TEDC1: variants seen among roughly 807,000 people sequenced by gnomAD.
TEDC1 encodes the protein tubulin epsilon and delta complex 1, also known as tubulin epsilon and delta complex protein 1.
A neutral mutation model predicts 59.9 loss-of-function variants in TEDC1; 54 were observed. The observed-to-expected ratio is 0.90, with a 90% CI of 0.72 to 1.13. The LOEUF is 1.13. Among genes scored for constraint, TEDC1 ranks in the 50% most tolerant of loss-of-function variants. The pLI is 0.00. For missense variants in TEDC1, 734 were observed against 683.4 expected (o/e 1.07, Z -0.83); for synonymous variants, 353 against 298.1 (o/e 1.18, Z -1.90).
chr14:105,492,389 C>A, intron 3 of TEDC1, 80 bp downstream of exon 3: 1 of 1,561,970 alleles, frequency 6.4e-7, no homozygotes, highest in Non-Finnish European at 8.7e-7. Flanking sequence ...TGGGTCAGCC[C>A]CCTCTGTCTG....
In TEDC1 at chr14:105,498,632, CG is replaced by C; in HGVS notation, c.1179del (p.Pro394GlnfsTer41). ...TCCCACGCAGGCTGGAGGCTGTGGA[CG>C]GGGGCCAGAGTGGAGTGCCGCGCGG... ...AWEAKAGGCG[R>X]GPEWSAARRA... is the part of the protein sequence containing the mutation. On this transcript the variant is annotated frameshift_variant, in exon 9 of 9. Coordinates refer to ENST00000392523, the MANE Select transcript of TEDC1 (RefSeq NM_001367178.1). LOFTEE classifies it high-confidence loss of function. The C allele has an allele frequency of 1.3e-6, 2 of 1,547,282 alleles. No individual in the cohort carries two copies. Among genetic ancestry groups the C allele is most frequent in the East Asian group, 2.4e-5 (1 of 41,210 alleles).
In TEDC1 at chr14:105,497,441, A is replaced by C; in HGVS notation, c.976A>C (p.Met326Leu). ...CTCTGAGCTGGTCTTCTGGCGGTGG[A>C]TGGTGAGGAAGCCCGCGCATCCCTC... is the stretch of plus-strand genomic sequence containing the variant. ...RRSELVFWRW[M>L]DTVLGTCAPE... The change falls in exon 7 of 9, where the codon ATG (methionine) becomes CTG (leucine). Residue 326 changes from methionine (M) to leucine (L), a missense_variant and splice_region_variant. Transcript: ENST00000392523. 1 of 1,546,596 alleles carries C rather than the reference A, an allele frequency of 6.5e-7. No homozygotes were observed. The highest frequency in any genetic ancestry group is 8.7e-7 in the Non-Finnish European group (1 of 1,147,816).
chr14:105,492,555 G>A, intron 3 of TEDC1, 24 bp from the exon 4 acceptor site: 1 of 1,534,796 alleles, frequency 6.5e-7, no homozygotes, highest in Non-Finnish European at 8.7e-7. Context: ...GTGGGAGCAG[G>A]GCCTGACCCT....
In TEDC1 at chr14:105,498,931, G is replaced by A. The variant is rs782772661; in HGVS notation, c.1473G>A (p.Pro491=). ...VGARPGLIWI[P]PPGR is the part of the protein sequence containing the mutation. ...CCCGCCCTGGTCTCATCTGGATCCC[G>A]CCACCTGGACGCTGAGGGCCTGTCG... Residue 491 remains proline, a synonymous_variant, in exon 9 of 9, where the codon CCG becomes CCA. Coordinates refer to ENST00000392523, the MANE Select transcript of TEDC1 (RefSeq NM_001367178.1). 37 of 1,604,612 alleles carry A rather than the reference G, an allele frequency of 2.3e-5. No individual in the cohort carries two copies. The highest frequency in any genetic ancestry group is 8.9e-5 in the South Asian group (8 of 89,840).
chr14:105,491,238 T>C (rs1459517338), upstream of TEDC1: 10 of 1,539,318 alleles, frequency 6.5e-6, no homozygotes, highest in Admixed American at 5.9e-5. Context: ...CGTGCCATGA[T>C]TGGGCTCAGG....
At chr14:105,498,474 T>A (rs955951930) in intron 8 of TEDC1, 143 bp from the exon 9 acceptor site, 1 of 931,184 alleles carries the variant, frequency 1.1e-6, no homozygotes, top group Non-Finnish European at 1.6e-6. Context: ...CCCCTTAAAA[T>A]TTTCAGTAAG....
intron 3 of TEDC1, 96 bp downstream of exon 3, chr14:105,492,405 C>A: frequency 6.5e-7 from 1 of 1,535,162 alleles, no homozygotes; most frequent in Middle Eastern, 2.4e-4. Flanking sequence ...GTCTGCTTTG[C>A]TCCTCAGGGC....
In TEDC1 at chr14:105,498,931, G is replaced by T. The variant is rs782772661; in HGVS notation, c.1473G>T (p.Pro491=). The T allele has an allele frequency of 5.6e-6, 9 of 1,604,730 alleles. No homozygotes were observed. Among genetic ancestry groups the T allele is most frequent in the Non-Finnish European group, 7.7e-6 (9 of 1,175,758 alleles). Residue 491 remains proline (P), a synonymous_variant, in exon 9 of 9, where the codon CCG becomes CCT. Coordinates refer to ENST00000392523, the MANE Select transcript of TEDC1 (RefSeq NM_001367178.1). The part of the protein sequence containing the change: ...VGARPGLIWI[P]PPGR ...CCCGCCCTGGTCTCATCTGGATCCCGCCACCTGGACGCTGAGGGCCTGTCG... is the reference window on the plus strand; with the variant it reads ...CCCGCCCTGGTCTCATCTGGATCCCTCCACCTGGACGCTGAGGGCCTGTCG...
chr14:105,497,363 C>A lies in TEDC1; in HGVS notation c.898C>A (p.Arg300=). Residue 300 remains arginine (R), a synonymous_variant, in exon 7 of 9, where the codon CGG becomes AGG. Transcript: ENST00000392523. The stretch of plus-strand genomic sequence containing the variant: ...GCTGCCGTTTGCCTTCCAGCTGCTG[C>A]GGACTCTGGAGCGTGAGAACCAGCG... The part of the protein sequence containing the change: ...SLLSPFRALL[R]TLERENQRLE... The A allele has an allele frequency of 6.4e-7, 1 of 1,550,820 alleles. No individual in the cohort carries two copies.
Position 105,492,237 on chromosome 14 carries a change from C to T in TEDC1, c.357C>T (p.Ala119=), listed in dbSNP as rs782140667. 14 of 1,611,554 alleles carry T rather than the reference C, an allele frequency of 8.7e-6. No homozygotes were observed. Among genetic ancestry groups the T allele is most frequent in the South Asian group, 1.1e-5 (1 of 91,078 alleles). ...ELLLALSWLL[A]RGPVPEQMLA... ...TGCTGGCTCTGTCCTGGCTCTTGGC[C>T]CGAGGACCTGTGCCCGAGCAGATGC... Residue 119 remains alanine (A), a synonymous_variant, in exon 3 of 9, where the codon GCC becomes GCT. Transcript: ENST00000392523.
chr14:105,497,396 G>T lies in TEDC1; in HGVS notation c.931G>T (p.Ala311Ser). 6.4e-7 allele frequency: 1 copy of T among 1,553,050 alleles called. No individual in the cohort carries two copies. The change falls in exon 7 of 9, where the codon GCT (alanine) becomes TCT (serine). Residue 311 changes from alanine to serine, a missense_variant. Physicochemically the swap from Ala to Ser is moderately conservative, Grantham distance 99 (BLOSUM62 1). Coordinates refer to ENST00000392523, the MANE Select transcript of TEDC1 (RefSeq NM_001367178.1). ...GGAGCGTGAGAACCAGCGCCTGGAG[G>T]CTGTCCTGGCGTGGCGGCGCTCTGA... ...TLERENQRLE[A>S]VLAWRRSELV...
rs1390089556 is a variant in TEDC1 at position 105,498,961 on chromosome 14, G to A, written c.*15G>A. ...CTGGACGCTGAGGGCCTGTCGACGG[G>A]CCCTCGTGTGGGAAGCCTGCCCTGG... On this transcript the variant is annotated 3_prime_UTR_variant, in exon 9 of 9. Coordinates refer to ENST00000392523, the MANE Select transcript of TEDC1 (RefSeq NM_001367178.1). The A allele has an allele frequency of 5.7e-6, 9 of 1,584,358 alleles. No homozygotes were observed. The highest frequency in any genetic ancestry group is 3.5e-5 in the Admixed American group (2 of 57,316).
At position 105,491,375 on chromosome 14, in the gene TEDC1, C is replaced by A; in HGVS notation, c.-1C>A. 1 of 1,426,784 alleles carries A rather than the reference C, an allele frequency of 7.0e-7. No individual in the cohort carries two copies. The highest frequency in any genetic ancestry group is 1.5e-5 in the South Asian group (1 of 66,882). The allele number at this position is 1,426,784 out of a possible 1,614,324, so 88.4% of individuals were successfully genotyped here. A position where few individuals can be genotyped will look rare whatever the true frequency, so the allele number is the denominator to read the frequency against. ...ATCCGAAAGAGGCTGGTGCTGGCTG[C>A]ATGGGGAGGCGGCGGCAGCGGGTGG... On this transcript the variant is annotated 5_prime_UTR_variant, in exon 1 of 9. Coordinates refer to ENST00000392523, the MANE Select transcript of TEDC1 (RefSeq NM_001367178.1).
Position 105,491,454 on chromosome 14 carries a change from AGTC to A in TEDC1, c.81_83del (p.Ser27del). 6.9e-7 allele frequency: 1 copy of A among 1,459,478 alleles called. No homozygotes were observed. The highest frequency in any genetic ancestry group is 9.0e-7 in the Non-Finnish European group (1 of 1,109,734). The allele number at this position is 1,459,478 out of a possible 1,614,324, so 90.4% of individuals were successfully genotyped here. A position where few individuals can be genotyped will look rare whatever the true frequency, so the allele number is the denominator to read the frequency against. ...CCTGCCTGAGGCCATCGCCGCGTTG[AGTC>A]GGTCGCTGCCCTCGGGACCCAGCCC... On this transcript the variant is annotated inframe_deletion, in exon 1 of 9. Coordinates refer to ENST00000392523, the MANE Select transcript of TEDC1 (RefSeq NM_001367178.1).
chr14:105,492,005 C>T (rs2084225000), intron 2 of TEDC1, 102 bp from the exon 3 acceptor site: 2 of 1,249,716 alleles, frequency 1.6e-6, no homozygotes, highest in Non-Finnish European at 1.1e-6. Flanking sequence ...TGAACTAGGC[C>T]TTGAGCTTCT....
Position 105,491,712 on chromosome 14 carries a change from T to C in TEDC1, c.226+12T>C, listed in dbSNP as rs1380621492. On this transcript the variant is annotated intron_variant, in intron 2 of 8. Coordinates refer to ENST00000392523, the MANE Select transcript of TEDC1 (RefSeq NM_001367178.1). ...ATCGCTCGCCCTGGGTAAGCCCCGC[T>C]CCTGGCCCCGCCCACCCGGTAGCAC... The C allele has an allele frequency of 6.5e-7, 1 of 1,545,336 alleles. No homozygotes were observed.
chr14:105,496,024 T>A lies in TEDC1; in HGVS notation c.829T>A (p.Trp277Arg), dbSNP rs367946951. The A allele has an allele frequency of 6.5e-7, 1 of 1,550,090 alleles. No homozygotes were observed. Among genetic ancestry groups the A allele is most frequent in the Non-Finnish European group, 8.7e-7 (1 of 1,146,880 alleles). ...CEQPGLLPGDWAAPLDPGGAS... is the reference protein window; with the variant it reads ...CEQPGLLPGDRAAPLDPGGAS... ...GCAGCCAGGTCTGCTGCCGGGTGACTGGGCAGCACCCTTGGATCCTGGTGG... is the reference window on the plus strand; with the variant it reads ...GCAGCCAGGTCTGCTGCCGGGTGACAGGGCAGCACCCTTGGATCCTGGTGG... Residue 277 changes from tryptophan (W) to arginine (R), a missense_variant, in exon 6 of 9, where the codon TGG becomes AGG. Transcript: ENST00000392523.
chr14:105,491,848 C>T (rs2084219893), intron 2 of TEDC1, 148 bp downstream of exon 2: 1 of 1,065,038 alleles, frequency 9.4e-7, no homozygotes, highest in South Asian at 1.5e-5. Context: ...TCCGCCTTCC[C>T]CGGTAAGCCA....
upstream of TEDC1, chr14:105,491,159 A>C: frequency 6.5e-7 from 1 of 1,550,172 alleles, no homozygotes; most frequent in South Asian, 1.2e-5. Flanking sequence ...GATTGGGTAC[A>C]GGTCTCGGCC....
Sources: allele counts gnomAD v4.1 joint callset, GRCh38; gene constraint gnomAD v4.1.1; transcripts MANE v1.5; gene names NCBI Gene and HGNC (gene_info 2026-07-23, HGNC 2026-07-21).